The following GPC6 variants were observed in gnomAD, a reference collection of about 807,000 sequenced individuals.
The protein encoded by GPC6 is glypican 6, also known as glypican-6.
A neutral mutation model predicts 55.2 loss-of-function variants in GPC6; 14 were observed. That is an observed-to-expected ratio of 0.25 (90% CI 0.17 to 0.40). GPC6 has a LOEUF of 0.40. Among genes scored for constraint, GPC6 ranks in the 10% least tolerant of loss-of-function variants. GPC6 has a pLI of 1.00. For synonymous variants in GPC6, 278 were observed against 259.6 expected (o/e 1.07, Z -0.68); for missense variants, 641 against 708.5 (o/e 0.90, Z 1.08).
At position 93,787,716 on chromosome 13, in the gene GPC6, A is replaced by G. The variant is rs546359095; in HGVS notation, c.320-42438A>G. 6.6e-5 allele frequency among the ~76,000 whole-genome samples: 10 copies of G among 152,318 alleles called. No individual in the cohort carries two copies. The South Asian group carries it at 1.9e-3, about 28-fold the overall frequency. On this transcript the variant is annotated intron_variant, in intron 2 of 8. Coordinates refer to ENST00000377047, the MANE Select transcript of GPC6 (RefSeq NM_005708.5). ...TATTCTCTTCTAGCTACTTTTAAAT[A>G]TACACTACATTAATGTTAGCTATTA...
chr13:93,406,324 C>G (rs977906864), intron 1 of GPC6, among the ~76,000 whole-genome samples: 2 of 152,076 alleles, frequency 1.3e-5, no homozygotes, highest in African/African-American at 4.8e-5. Flanking sequence ...ACAAATCAGT[C>G]AGAACTGCCA....
At chr13:94,330,520 C>G (rs1040049055) in intron 6 of GPC6, among the ~76,000 whole-genome samples, 1 of 152,128 alleles carries the variant, frequency 6.6e-6, no homozygotes, top group African/African-American at 2.4e-5. Context: ...TAGCCACTTC[C>G]CCAAGTCCTT....
chr13:93,497,327 C>T (rs1880342435), intron 1 of GPC6, among the ~76,000 whole-genome samples: 1 of 152,128 alleles, frequency 6.6e-6, no homozygotes. Flanking sequence ...TTATGAACAG[C>T]AAATTCTTAG....
At chr13:93,854,946 C>A (rs578173851) in intron 3 of GPC6, among the ~76,000 whole-genome samples, 1 of 151,612 alleles carries the variant, frequency 6.6e-6, no homozygotes, top group African/African-American at 2.4e-5. Context: ...CCCTCCTGCC[C>A]CTCACCTCAT....
chr13:94,309,533 C>T (rs988189685), intron 6 of GPC6, among the ~76,000 whole-genome samples: 2 of 137,640 alleles, frequency 1.5e-5, no homozygotes, highest in African/African-American at 5.3e-5. Flanking sequence ...TTATAAGGAA[C>T]TTATAAATTC....
At chr13:94,361,281 TG>T (rs1879047113) in intron 6 of GPC6, among the ~76,000 whole-genome samples, 1 of 152,208 alleles carries the variant, frequency 6.6e-6, no homozygotes, top group Non-Finnish European at 1.5e-5. Flanking sequence ...GCAGGCTTCA[TG>T]GGATACTACC....
chr13:94,031,183 G>A (rs1472242626), intron 4 of GPC6, among the ~76,000 whole-genome samples: 1 of 152,070 alleles, frequency 6.6e-6, no homozygotes, highest in African/African-American at 2.4e-5. Context: ...TCCTCCTCCA[G>A]GAAGTTTAAC....
At chr13:93,941,614 T>C (rs1463525825) in intron 3 of GPC6, among the ~76,000 whole-genome samples, 1 of 152,202 alleles carries the variant, frequency 6.6e-6, no homozygotes, top group African/African-American at 2.4e-5. Flanking sequence ...TGTGAAGCAG[T>C]CAAGATATCA....
chr13:94,016,394 T>C (rs1227412212), intron 3 of GPC6, among the ~76,000 whole-genome samples: 1 of 152,220 alleles, frequency 6.6e-6, no homozygotes, highest in Non-Finnish European at 1.5e-5. Flanking sequence ...ACAGTAACAA[T>C]TGAAGCATTG....
At chr13:93,553,435 G>A (rs1016525662) in intron 2 of GPC6, among the ~76,000 whole-genome samples, 3 of 152,106 alleles carry the variant, frequency 2.0e-5, no homozygotes, top group African/African-American at 7.2e-5. Flanking sequence ...GCTTACGCCT[G>A]TAATCCCAGC....
Position 94,104,474 on chromosome 13 carries a change from A to G in GPC6, c.877+76580A>G, listed in dbSNP as rs1235972363. Among the ~76,000 whole-genome samples, 4 of 152,208 alleles carry G rather than the reference A, an allele frequency of 2.6e-5. No homozygotes were observed. In the East Asian group the frequency reaches 7.7e-4, roughly 29 times the overall value. ...AGTGTTGGAAGTTCTGGCCAGGGCA[A>G]TTAGGCAGGAGAAAGAAATAAAGGG... On this transcript the variant is annotated intron_variant, in intron 4 of 8. Coordinates refer to ENST00000377047, the MANE Select transcript of GPC6 (RefSeq NM_005708.5).
chr13:93,578,257 T>A (rs1055798492), intron 2 of GPC6, among the ~76,000 whole-genome samples: 3 of 152,096 alleles, frequency 2.0e-5, no homozygotes, highest in African/African-American at 4.8e-5. Flanking sequence ...CAATTTTTTT[T>A]AAAAAGAGTT....
At chr13:94,237,154 G>C (rs1187512721) in intron 4 of GPC6, among the ~76,000 whole-genome samples, 1 of 152,142 alleles carries the variant, frequency 6.6e-6, no homozygotes, top group African/African-American at 2.4e-5. Flanking sequence ...GGCAGGACAA[G>C]AAGTGAGCTG....
chr13:93,531,873 AC>A (rs1245562248), intron 1 of GPC6, among the ~76,000 whole-genome samples: 3 of 152,074 alleles, frequency 2.0e-5, no homozygotes, highest in Non-Finnish European at 4.4e-5. Context: ...GGATACCACC[AC>A]CCTCATTTCC....
chr13:93,230,588 C>T (rs1875971593), intron 1 of GPC6, among the ~76,000 whole-genome samples: 1 of 152,076 alleles, frequency 6.6e-6, no homozygotes, highest in African/African-American at 2.4e-5. Context: ...GAAATGTTTC[C>T]AGATATCTAG....
rs1178827836 is a variant in GPC6, at chr13:93,789,610, T to TAATACTACATATATATATATAATACTAC, written c.320-40543_320-40542insATACTACATATATATATATAATACTACA. On this transcript the variant is annotated intron_variant, in intron 2 of 8. Transcript: ENST00000377047. ...ATATATAATACTACATATATATATA[T>TAATACTACATATATATATATAATACTAC]ATATATATATATATATATATATATA... Among the ~76,000 whole-genome samples, 122 of 27,688 alleles carry TAATACTACATATATATATATAATACTAC rather than the reference T, an allele frequency of 4.4e-3. 1 individual carries two copies. The highest frequency in any genetic ancestry group is 0.017 in the African/African-American group (117 of 6,830). 18.2% of individuals were successfully genotyped at this position (27,688 alleles called of 152,430 possible).
chr13:93,992,424 G>C (rs1281228242), intron 3 of GPC6, among the ~76,000 whole-genome samples: 3 of 152,066 alleles, frequency 2.0e-5, no homozygotes, highest in Non-Finnish European at 4.4e-5. Context: ...CAATTTAATT[G>C]TGTACTTTAT....
chr13:94,289,623 G>A (rs1016377375), intron 5 of GPC6, among the ~76,000 whole-genome samples: 1 of 152,154 alleles, frequency 6.6e-6, no homozygotes, highest in African/African-American at 2.4e-5. Context: ...ACAGTTAGAT[G>A]TTCCTCCTTT....
intron 2 of GPC6, among the ~76,000 whole-genome samples, chr13:93,785,453 C>T (rs546654036): frequency 6.6e-6 from 1 of 152,038 alleles, no homozygotes; most frequent in South Asian, 2.1e-4. Context: ...TAGGGTGGGG[C>T]TTATGGTTGA....
Sources: gnomAD v4.1 joint callset for allele counts (sites outside exome capture counted in the v4.1 genomes callset) on GRCh38, gnomAD v4.1.1 for gene constraint, MANE v1.5 for transcripts, NCBI Gene and HGNC (gene_info 2026-07-23, HGNC 2026-07-21) for gene names.